The following CNTNAP2 variants were observed in gnomAD, a reference collection of about 807,000 sequenced individuals.
CNTNAP2 encodes contactin-associated protein-like 2.
Under a neutral mutation model 155.2 loss-of-function variants are expected in CNTNAP2, and 98 were observed. The ratio of observed to expected loss-of-function variants is 0.63; its 90% CI spans 0.54 to 0.75. The LOEUF (loss-of-function observed/expected upper bound fraction) is 0.75. CNTNAP2 is among the 30% of genes least tolerant of loss of function. The pLI, the probability that CNTNAP2 is intolerant of heterozygous loss-of-function variation, is 0.00. For synonymous variants in CNTNAP2, 651 were observed against 631.2 expected (o/e 1.03, Z -0.47); for missense variants, 1,727 against 1,688.1 (o/e 1.02, Z -0.40).
intron 15 of CNTNAP2, among the ~76,000 whole-genome samples, chr7:148,042,490 C>A (rs549943535): frequency 6.6e-6 from 1 of 152,284 alleles, no homozygotes; most frequent in Admixed American, 6.5e-5. Flanking sequence ...AGACCCAGCC[C>A]TGGTTCTGCA....
At chr7:147,381,922 T>A (rs1796544386) in intron 9 of CNTNAP2, among the ~76,000 whole-genome samples, 1 of 151,980 alleles carries the variant, frequency 6.6e-6, no homozygotes, top group Admixed American at 6.6e-5. Context: ...ATTATAAATA[T>A]CCATGTATAA....
chr7:146,731,322 A>C (rs1278582313), intron 1 of CNTNAP2, among the ~76,000 whole-genome samples: 1 of 152,156 alleles, frequency 6.6e-6, no homozygotes, highest in East Asian at 1.9e-4. Flanking sequence ...TAGGCTATGA[A>C]ACACATCACG....
chr7:147,552,936 C>T (rs373681535), intron 11 of CNTNAP2, among the ~76,000 whole-genome samples: 13 of 152,124 alleles, frequency 8.5e-5, no homozygotes, highest in African/African-American at 3.1e-4. Context: ...AATGACAGTG[C>T]AAGACACAGG....
chr7:146,358,049 T>TA (rs201011936), intron 1 of CNTNAP2, among the ~76,000 whole-genome samples: 1 of 151,710 alleles, frequency 6.6e-6, no homozygotes, highest in Admixed American at 6.6e-5. Flanking sequence ...TTTATTTATT[T>TA]TTTGAGATGG....
At chr7:147,579,185 T>A (rs1800451696) in intron 12 of CNTNAP2, among the ~76,000 whole-genome samples, 1 of 151,756 alleles carries the variant, frequency 6.6e-6, no homozygotes. Flanking sequence ...TACAGTGGGG[T>A]TTTATCAGAT....
intron 13 of CNTNAP2, among the ~76,000 whole-genome samples, chr7:147,883,632 A>C (rs1322772322): frequency 1.3e-5 from 2 of 152,240 alleles, no homozygotes; most frequent in Non-Finnish European, 2.9e-5. Context: ...ATTAGGTGTG[A>C]TAAAGTTGCC....
intron 13 of CNTNAP2, among the ~76,000 whole-genome samples, chr7:147,720,824 G>C (rs1260520112): frequency 6.6e-6 from 1 of 151,908 alleles, no homozygotes; most frequent in East Asian, 1.9e-4. Flanking sequence ...TAAATTATCA[G>C]TGTCAGGCAG....
chr7:147,118,978 C>T (rs1403388996), intron 5 of CNTNAP2, among the ~76,000 whole-genome samples: 1 of 152,118 alleles, frequency 6.6e-6, no homozygotes, highest in Non-Finnish European at 1.5e-5. Flanking sequence ...ATTCATTGTG[C>T]TACCAGGGGA....
chr7:146,716,213 GAA>G (rs571237905), intron 1 of CNTNAP2, among the ~76,000 whole-genome samples: 30 of 112,972 alleles, frequency 2.7e-4, no homozygotes, highest in Non-Finnish European at 3.8e-4. Flanking sequence ...AAGTCTGCAG[GAA>G]AAAAAAAAAA....
chr7:147,307,348 G>A (rs62485036), intron 9 of CNTNAP2, among the ~76,000 whole-genome samples: 5,253 of 152,200 alleles, frequency 0.035, 122 homozygotes, highest in South Asian at 0.052. Context: ...ACTTTGGGAG[G>A]CCGAGGCGGG....
At chr7:147,480,648 A>G (rs552036817) in intron 10 of CNTNAP2, among the ~76,000 whole-genome samples, 1 of 152,328 alleles carries the variant, frequency 6.6e-6, no homozygotes, top group Admixed American at 6.5e-5. Flanking sequence ...CCTATGGAAA[A>G]GCAGTCTTAG....
intron 13 of CNTNAP2, among the ~76,000 whole-genome samples, chr7:147,730,291 A>G (rs2116464769): frequency 6.6e-6 from 1 of 152,216 alleles, no homozygotes; most frequent in East Asian, 1.9e-4. Flanking sequence ...AGCTTCGCAG[A>G]TACTGCACTT....
At chr7:146,286,388 A>G (rs551836243) in intron 1 of CNTNAP2, among the ~76,000 whole-genome samples, 1 of 152,198 alleles carries the variant, frequency 6.6e-6, no homozygotes, top group East Asian at 1.9e-4. Flanking sequence ...GTGCAAAGCT[A>G]GACAGTGGTA....
chr7:146,778,994 C>A (rs370197047), intron 2 of CNTNAP2, among the ~76,000 whole-genome samples: 2 of 152,080 alleles, frequency 1.3e-5, no homozygotes, highest in Non-Finnish European at 2.9e-5. Context: ...ACTGGGGAAA[C>A]GATAACAGGC....
intron 3 of CNTNAP2, among the ~76,000 whole-genome samples, chr7:146,996,978 T>C (rs1191716754): frequency 6.6e-6 from 1 of 152,132 alleles, no homozygotes; most frequent in East Asian, 1.9e-4. Context: ...TTCTCTCTCT[T>C]GCCTGCTGCC....
intron 13 of CNTNAP2, among the ~76,000 whole-genome samples, chr7:147,788,884 CT>C (rs1325837497): frequency 4.3e-4 from 60 of 139,110 alleles, no homozygotes; most frequent in African/African-American, 1.4e-3. Flanking sequence ...GTAGGATATA[CT>C]TTTTTTTTCT....
chr7:146,766,482 A>G (rs909531855), intron 1 of CNTNAP2, among the ~76,000 whole-genome samples: 2 of 152,168 alleles, frequency 1.3e-5, no homozygotes, highest in African/African-American at 4.8e-5. Flanking sequence ...AGTGCAACAT[A>G]TATGATTTTA....
chr7:147,572,357 GAGGACCCAGAAA>G (rs1447617143), intron 12 of CNTNAP2, among the ~76,000 whole-genome samples: 2,176 of 152,136 alleles, frequency 0.014, 48 homozygotes, highest in African/African-American at 0.05. Flanking sequence ...CACCACAGGA[GAGGACCCAGAAA>G]GGGGGTACAA....
intron 1 of CNTNAP2, among the ~76,000 whole-genome samples, chr7:146,660,613 G>A (rs1000033948): frequency 1.3e-5 from 2 of 152,150 alleles, no homozygotes; most frequent in African/African-American, 4.8e-5. Context: ...AAGAGATAAT[G>A]CGTATAACAC....
Sources: gnomAD v4.1 joint callset for allele counts (sites outside exome capture counted in the v4.1 genomes callset) on GRCh38, gnomAD v4.1.1 for gene constraint, MANE v1.5 for transcripts, NCBI Gene and HGNC (gene_info 2026-07-23, HGNC 2026-07-21) for gene names.